The following DACH2 variants were observed in gnomAD, a reference collection of about 807,000 sequenced individuals.
DACH2 encodes dachshund family transcription factor 2, also known as dachshund homolog 2.
Under a neutral mutation model 35.8 loss-of-function variants are expected in DACH2, and 17 were observed. The ratio of observed to expected loss-of-function variants is 0.48; its 90% confidence interval spans 0.33 to 0.71. The LOEUF is 0.71. Among genes scored for constraint, DACH2 ranks in the 30% least tolerant of loss-of-function variants. DACH2 has a pLI of 0.02. For missense variants in DACH2, 469 were observed against 472.7 expected (o/e 0.99, Z 0.07); for synonymous variants, 195 against 177.3 (o/e 1.10, Z -0.79).
chrX:86,817,283 G>T (rs928476166), intron 11 of DACH2, among the ~76,000 whole-genome samples: 4 of 111,119 alleles, frequency 3.6e-5, no homozygotes, highest in Non-Finnish European at 7.6e-5. Flanking sequence ...CAGCTTAAAG[G>T]CTGTGTCTAT....
chrX:86,254,807 T>TATAGAGAGAGAG (rs1380613474), intron 1 of DACH2, among the ~76,000 whole-genome samples: 42 of 49,646 alleles, frequency 8.5e-4, no homozygotes, highest in African/African-American at 4.4e-3. Context: ...TATATATATA[T>TATAGAGAGAGAG]AGAGAGAGAG....
intron 5 of DACH2, among the ~76,000 whole-genome samples, chrX:86,712,414 G>A (rs942454035): frequency 1.8e-5 from 2 of 111,088 alleles, no homozygotes; most frequent in African/African-American, 3.3e-5. Flanking sequence ...TTGTCTTTCT[G>A]TGCCTGGCTT....
At chrX:86,497,508 G>T (rs1310390944) in intron 2 of DACH2, among the ~76,000 whole-genome samples, 1 of 111,092 alleles carries the variant, frequency 9.0e-6, no homozygotes, top group Non-Finnish European at 1.9e-5. Flanking sequence ...CAGGTACAGG[G>T]GAAGATTCCT....
At chrX:86,508,465 C>T (rs2038355183) in intron 2 of DACH2, among the ~76,000 whole-genome samples, 1 of 109,759 alleles carries the variant, frequency 9.1e-6, no homozygotes, top group African/African-American at 3.3e-5. Flanking sequence ...GAGGCTGAGA[C>T]AGGAGAATCA....
intron 1 of DACH2, among the ~76,000 whole-genome samples, chrX:86,277,964 C>T (rs551415836): frequency 3.6e-5 from 4 of 111,748 alleles, no homozygotes; most frequent in South Asian, 7.5e-4. Context: ...ATTTCTCAAT[C>T]GGATTGTGAT....
chrX:86,257,021 A>G (rs976695878), intron 1 of DACH2, among the ~76,000 whole-genome samples: 2 of 112,065 alleles, frequency 1.8e-5, no homozygotes, highest in Non-Finnish European at 3.8e-5. Flanking sequence ...CAAAATTAGG[A>G]TCATAAGCTT....
intron 4 of DACH2, among the ~76,000 whole-genome samples, chrX:86,663,350 A>C (rs1320402301): frequency 1.8e-5 from 2 of 112,218 alleles, no homozygotes; most frequent in Non-Finnish European, 1.9e-5. Flanking sequence ...TTTAAGTAAG[A>C]TAATTTTATG....
At chrX:86,694,685 T>A (rs984558898) in intron 4 of DACH2, among the ~76,000 whole-genome samples, 4 of 112,042 alleles carry the variant, frequency 3.6e-5, no homozygotes, top group Non-Finnish European at 7.5e-5. Context: ...AGTATATGTA[T>A]GTTAAAGGTT....
At chrX:86,646,029 T>C (rs377003754) in intron 3 of DACH2, among the ~76,000 whole-genome samples, 7 of 111,260 alleles carry the variant, frequency 6.3e-5, no homozygotes, top group East Asian at 2.8e-4. Flanking sequence ...ACAGACTTTC[T>C]CATGTACCCC....
intron 2 of DACH2, among the ~76,000 whole-genome samples, chrX:86,423,847 G>C (rs1191752031): frequency 1.8e-5 from 2 of 110,584 alleles, no homozygotes; most frequent in African/African-American, 6.5e-5. Context: ...TCAAATCAAA[G>C]ATCAGAGATA....
At chrX:86,809,549 T>C (rs1199038865) in intron 7 of DACH2, among the ~76,000 whole-genome samples, 1 of 111,997 alleles carries the variant, frequency 8.9e-6, no homozygotes, top group African/African-American at 3.2e-5. Context: ...CAGTTTCCTC[T>C]TGCATACACT....
At chrX:86,603,949 A>T (rs902212712) in intron 3 of DACH2, among the ~76,000 whole-genome samples, 7 of 111,241 alleles carry the variant, frequency 6.3e-5, no homozygotes, top group African/African-American at 2.3e-4. Context: ...TTTGGGGATT[A>T]TCTAGATATT....
chrX:86,597,674 T>C (rs970059364), intron 3 of DACH2, among the ~76,000 whole-genome samples: 1 of 111,954 alleles, frequency 8.9e-6, no homozygotes, highest in African/African-American at 3.2e-5. Context: ...CTTGTTTATC[T>C]AATTGCTTTA....
chrX:86,441,977 G>T (rs1453609744), intron 2 of DACH2, among the ~76,000 whole-genome samples: 1 of 108,766 alleles, frequency 9.2e-6, no homozygotes, highest in East Asian at 2.9e-4. Flanking sequence ...TGATTATCCT[G>T]CCTCAGCCTC....
chrX:86,324,063 C>A (rs1413385276), intron 1 of DACH2, among the ~76,000 whole-genome samples: 1 of 111,929 alleles, frequency 8.9e-6, no homozygotes, highest in Admixed American at 9.5e-5. Flanking sequence ...GGTAAATCTT[C>A]CAGGCTGCTC....
chrX:86,382,308 G>T (rs2036057905), intron 2 of DACH2, among the ~76,000 whole-genome samples: 1 of 109,426 alleles, frequency 9.1e-6, no homozygotes, highest in Non-Finnish European at 1.9e-5. Flanking sequence ...GTTTAACACA[G>T]AACTTTCAGC....
chrX:86,314,643 G>A (rs2034862748), intron 1 of DACH2, among the ~76,000 whole-genome samples: 1 of 112,380 alleles, frequency 8.9e-6, no homozygotes, highest in Non-Finnish European at 1.9e-5. Flanking sequence ...AAACGTTTTT[G>A]AGGAAAGTTA....
At chrX:86,744,587 G>A (rs1602886466) in intron 7 of DACH2, among the ~76,000 whole-genome samples, 1 of 111,279 alleles carries the variant, frequency 9.0e-6, no homozygotes, top group East Asian at 2.9e-4. Flanking sequence ...AGAACATTAA[G>A]ACATACCTTT....
chrX:86,389,184 T>G (rs1210810201), intron 2 of DACH2, among the ~76,000 whole-genome samples: 1 of 112,224 alleles, frequency 8.9e-6, no homozygotes, highest in African/African-American at 3.2e-5. Flanking sequence ...CTTAGTTCTT[T>G]ATTTGATTGA....
Sources: gnomAD v4.1 joint callset for allele counts (sites outside exome capture counted in the v4.1 genomes callset) on GRCh38, gnomAD v4.1.1 for gene constraint, MANE v1.5 for transcripts, NCBI Gene and HGNC (gene_info 2026-07-23, HGNC 2026-07-21) for gene names.